Variants in SKAP1 observed in about 807,000 individuals in gnomAD.
SKAP1 encodes the protein src kinase-associated phosphoprotein 1.
In SKAP1, 44 loss-of-function variants were observed where a neutral mutation model predicts 58.5. That is an observed-to-expected ratio of 0.75 (90% confidence interval 0.59 to 0.97). SKAP1 has a LOEUF of 0.97. Among genes scored for constraint, SKAP1 ranks in the 50% least tolerant of loss-of-function variants. The pLI, the probability that SKAP1 is intolerant of heterozygous loss-of-function variation, is 0.00. For missense variants in SKAP1, 390 were observed against 435.2 expected (o/e 0.90, Z 0.92); for synonymous variants, 127 against 149.7 (o/e 0.85, Z 1.11).
chr17:48,238,999 T>C (rs530804544), intron 4 of SKAP1, among the ~76,000 whole-genome samples: 29 of 152,226 alleles, frequency 1.9e-4, no homozygotes, highest in Non-Finnish European at 3.5e-4. Context: ...GAGACAGGTA[T>C]CTTTAGTTAT....
At chr17:48,416,923 C>A (rs1235562402) in intron 1 of SKAP1, among the ~76,000 whole-genome samples, 1 of 152,126 alleles carries the variant, frequency 6.6e-6, no homozygotes, top group Admixed American at 6.5e-5. Flanking sequence ...TTAATTGAAA[C>A]CTTCATGGAA....
chr17:48,358,175 A>G (rs897925552), intron 3 of SKAP1, among the ~76,000 whole-genome samples: 5 of 152,230 alleles, frequency 3.3e-5, no homozygotes, highest in African/African-American at 1.2e-4. Flanking sequence ...ACTTTTTCTT[A>G]CATTTGCAAA....
intron 2 of SKAP1, among the ~76,000 whole-genome samples, chr17:48,392,028 A>C (rs1166640530): frequency 1.3e-5 from 2 of 152,130 alleles, no homozygotes; most frequent in African/African-American, 4.8e-5. Flanking sequence ...ATTAATGGTA[A>C]TTATATTTAC....
At chr17:48,163,166 C>T (rs1479017450) in intron 10 of SKAP1, among the ~76,000 whole-genome samples, 2 of 152,180 alleles carry the variant, frequency 1.3e-5, no homozygotes, top group Non-Finnish European at 2.9e-5. Flanking sequence ...GTGTCTCATC[C>T]ATTACAACTA....
At chr17:48,294,574 C>T (rs549800519) in intron 4 of SKAP1, 64 of 152,198 alleles carry the variant, frequency 4.2e-4, no homozygotes, top group African/African-American at 1.5e-3. Context: ...TCAGGGTTTT[C>T]GCAGAAGTCT....
At chr17:48,187,767 G>T in intron 6 of SKAP1, 76 bp downstream of exon 6, 1 of 1,010,848 alleles carries the variant, frequency 9.9e-7, no homozygotes, top group Non-Finnish European at 1.5e-6. Flanking sequence ...GCTATCTTGG[G>T]ATCTAAGTGC....
rs180916295 is a variant in SKAP1 at position 48,367,214 on chromosome 17, A to G, written c.153-3400T>C. ...AATAGTAGTTATACCTTAAGAACTC[A>G]GCAGTATCAAATAAAGTAGTAGGTC... On this transcript the variant is annotated intron_variant, in intron 2 of 12. Coordinates refer to ENST00000336915, the MANE Select transcript of SKAP1 (RefSeq NM_003726.4). 5.0e-4 allele frequency among the ~76,000 whole-genome samples: 76 copies of G among 152,304 alleles called. 1 individual carries two copies. The highest frequency in any genetic ancestry group is 1.3e-3 in the Admixed American group (20 of 15,298).
intron 4 of SKAP1, among the ~76,000 whole-genome samples, chr17:48,280,816 A>T (rs747352884): frequency 4.6e-5 from 7 of 152,170 alleles, no homozygotes; most frequent in South Asian, 2.1e-4. Flanking sequence ...AAAACCTTTA[A>T]GATTCATCCA....
intron 4 of SKAP1, among the ~76,000 whole-genome samples, chr17:48,293,573 A>G (rs2065925206): frequency 6.6e-6 from 1 of 152,202 alleles, no homozygotes; most frequent in South Asian, 2.1e-4. Flanking sequence ...ATCACACATC[A>G]TATCCTGGTA....
chr17:48,195,900 T>C (rs964351691), intron 4 of SKAP1, among the ~76,000 whole-genome samples: 2 of 151,814 alleles, frequency 1.3e-5, no homozygotes, highest in African/African-American at 4.8e-5. Context: ...CCTGTTATAC[T>C]GAAGACAAAA....
chr17:48,163,613 C>T (rs1362534519), intron 10 of SKAP1, among the ~76,000 whole-genome samples: 1 of 152,100 alleles, frequency 6.6e-6, no homozygotes, highest in Non-Finnish European at 1.5e-5. Context: ...GTCCTGGGTT[C>T]TAATTAAAAT....
intron 4 of SKAP1, among the ~76,000 whole-genome samples, chr17:48,221,469 A>G (rs1045501241): frequency 1.3e-5 from 2 of 152,212 alleles, no homozygotes; most frequent in African/African-American, 4.8e-5. Context: ...AAAGTTTGCT[A>G]CAGAATTACT....
chr17:48,339,456 C>G (rs1484775478), intron 4 of SKAP1, among the ~76,000 whole-genome samples: 1 of 152,100 alleles, frequency 6.6e-6, no homozygotes, highest in Non-Finnish European at 1.5e-5. Context: ...AAAAAATACA[C>G]ACGAAGAAAG....
At chr17:48,159,110 T>C (rs2143255887) in intron 11 of SKAP1, among the ~76,000 whole-genome samples, 1 of 152,286 alleles carries the variant, frequency 6.6e-6, no homozygotes, top group South Asian at 2.1e-4. Flanking sequence ...CAGAATACTT[T>C]TATCAGATAG....
chr17:48,254,708 A>G (rs1013021620), intron 4 of SKAP1, among the ~76,000 whole-genome samples: 2 of 150,850 alleles, frequency 1.3e-5, no homozygotes, highest in Admixed American at 6.7e-5. Context: ...TTGTCTTAGA[A>G]GAAAAGTAGA....
rs1279702042 is a variant in SKAP1 at position 48,189,416 on chromosome 17, C to T, written c.358+7G>A. The T allele has an allele frequency of 6.2e-7, 1 of 1,608,976 alleles. No individual in the cohort carries two copies. ...AATGTTCTGAAATCTGTGGGTCTGACCAATACCTTTGCTTTTCTTCTCCAA... is the reference window on the plus strand; with the variant it reads ...AATGTTCTGAAATCTGTGGGTCTGATCAATACCTTTGCTTTTCTTCTCCAA... On this transcript the variant is annotated splice_region_variant and intron_variant, in intron 5 of 12. Coordinates refer to ENST00000336915, the MANE Select transcript of SKAP1 (RefSeq NM_003726.4).
intron 4 of SKAP1, among the ~76,000 whole-genome samples, chr17:48,234,685 A>C (rs941411112): frequency 1.3e-5 from 2 of 152,232 alleles, no homozygotes; most frequent in African/African-American, 4.8e-5. Context: ...TACCAAAATA[A>C]ATAAGAAATA....
At chr17:48,260,751 C>T (rs1443539012) in intron 4 of SKAP1, among the ~76,000 whole-genome samples, 2 of 152,058 alleles carry the variant, frequency 1.3e-5, no homozygotes, top group East Asian at 1.9e-4. Flanking sequence ...TCAAGGTAAA[C>T]GTCCAGATCA....
chr17:48,356,987 A>T (rs1209096096), intron 3 of SKAP1, among the ~76,000 whole-genome samples: 4 of 152,180 alleles, frequency 2.6e-5, no homozygotes, highest in African/African-American at 9.7e-5. Context: ...CATATTACGT[A>T]TTACATACAT....
Sources: allele counts gnomAD v4.1 joint callset (sites outside exome capture counted in the v4.1 genomes callset), GRCh38; gene constraint gnomAD v4.1.1; transcripts MANE v1.5; gene names NCBI Gene and HGNC (gene_info 2026-07-23, HGNC 2026-07-21).